The following SYT1 variants were observed in gnomAD, a reference collection of about 807,000 sequenced individuals.
SYT1 encodes synaptotagmin-1.
SYT1 carries 8 observed loss-of-function variants against 44.8 expected under a neutral mutation model. The observed-to-expected ratio is 0.18, with a 90% CI of 0.10 to 0.32. SYT1 has a LOEUF of 0.32. Ranked by LOEUF, SYT1 falls within the 10% of genes least tolerant of loss-of-function variation. The pLI, the probability that SYT1 is intolerant of heterozygous loss-of-function variation, is 1.00. For missense variants in SYT1, 286 were observed against 509.3 expected (o/e 0.56, Z 4.22); for synonymous variants, 154 against 188.8 (o/e 0.82, Z 1.51).
At chr12:78,889,171 A>G (rs902107141) in intron 1 of SYT1, among the ~76,000 whole-genome samples, 7 of 151,898 alleles carry the variant, frequency 4.6e-5, no homozygotes, top group Admixed American at 3.3e-4. Flanking sequence ...TTTGTTAAGA[A>G]CTAGTTCAGG....
At chr12:78,972,675 C>A (rs1868466180) in intron 1 of SYT1, among the ~76,000 whole-genome samples, 2 of 151,822 alleles carry the variant, frequency 1.3e-5, no homozygotes, top group South Asian at 2.1e-4. Context: ...TTAAGAAACA[C>A]TTCACTGTGA....
At chr12:79,049,054 T>C (rs1874277243) in intron 3 of SYT1, among the ~76,000 whole-genome samples, 1 of 151,930 alleles carries the variant, frequency 6.6e-6, no homozygotes, top group Admixed American at 6.6e-5. Flanking sequence ...ATAAGCTCTT[T>C]ATGCAAGAAC....
chr12:79,420,559 C>T (rs1321546055), intron 9 of SYT1, among the ~76,000 whole-genome samples: 1 of 152,106 alleles, frequency 6.6e-6, no homozygotes, highest in Non-Finnish European at 1.5e-5. Context: ...TTTCATTCCA[C>T]ATTCCTGGCA....
At chr12:79,139,623 A>G (rs539676536) in intron 3 of SYT1, among the ~76,000 whole-genome samples, 1 of 152,330 alleles carries the variant, frequency 6.6e-6, no homozygotes, top group African/African-American at 2.4e-5. Flanking sequence ...AATAAAAATG[A>G]TGACATCCTC....
intron 1 of SYT1, among the ~76,000 whole-genome samples, chr12:78,975,583 A>ATTGAATCTGTGTTG (rs1868764080): frequency 6.6e-6 from 1 of 152,182 alleles, no homozygotes; most frequent in Non-Finnish European, 1.5e-5. Context: ...AATCTGTGTT[A>ATTGAATCTGTGTTG]TTTAATCTGT....
At chr12:79,221,105 T>C (rs1248125476) in intron 4 of SYT1, among the ~76,000 whole-genome samples, 2 of 152,196 alleles carry the variant, frequency 1.3e-5, no homozygotes, top group African/African-American at 4.8e-5. Flanking sequence ...GGTGCTCCAA[T>C]GTTAGGTGCA....
chr12:79,006,414 AG>A (rs770690202), intron 2 of SYT1, among the ~76,000 whole-genome samples: 2 of 152,090 alleles, frequency 1.3e-5, no homozygotes, highest in African/African-American at 4.8e-5. Context: ...ATGCTCTATG[AG>A]GGGAAAAAGC....
chr12:79,157,231 T>G (rs1383331977), intron 3 of SYT1, among the ~76,000 whole-genome samples: 1 of 152,182 alleles, frequency 6.6e-6, no homozygotes, highest in African/African-American at 2.4e-5. Flanking sequence ...GCAAGGGAAC[T>G]TTTTAGCAGT....
At chr12:78,908,737 A>G (rs1038138990) in intron 1 of SYT1, among the ~76,000 whole-genome samples, 1 of 151,986 alleles carries the variant, frequency 6.6e-6, no homozygotes, top group South Asian at 2.1e-4. Context: ...GGAAATGAAT[A>G]AAAAGAATTC....
At chr12:79,415,609 C>T (rs934469756) in intron 9 of SYT1, among the ~76,000 whole-genome samples, 2 of 152,100 alleles carry the variant, frequency 1.3e-5, no homozygotes, top group Non-Finnish European at 2.9e-5. Context: ...TGATCATTCC[C>T]CAACAGTAGA....
intron 2 of SYT1, among the ~76,000 whole-genome samples, chr12:79,013,146 G>C (rs754611955): frequency 6.6e-6 from 1 of 152,034 alleles, no homozygotes; most frequent in Non-Finnish European, 1.5e-5. Context: ...CTTGTAGAGT[G>C]CACTTCTCTG....
intron 8 of SYT1, among the ~76,000 whole-genome samples, chr12:79,312,538 G>A (rs111729656): frequency 0.011 from 1,615 of 152,162 alleles, 31 homozygotes; most frequent in African/African-American, 0.037. Context: ...AAATGAACAT[G>A]TTATTTGTAA....
chr12:79,260,850 G>A (rs375161295), intron 4 of SYT1, among the ~76,000 whole-genome samples: 1 of 151,736 alleles, frequency 6.6e-6, no homozygotes, highest in African/African-American at 2.4e-5. Context: ...TCTGTTAAAA[G>A]GGGAAAGGAG....
At chr12:79,251,236 T>C (rs1194576817) in intron 4 of SYT1, among the ~76,000 whole-genome samples, 2 of 152,010 alleles carry the variant, frequency 1.3e-5, no homozygotes, top group Non-Finnish European at 2.9e-5. Context: ...AAGGGAAGAA[T>C]CACTAATACT....
intron 3 of SYT1, among the ~76,000 whole-genome samples, chr12:79,183,395 G>A (rs1872646121): frequency 2.6e-5 from 4 of 151,958 alleles, no homozygotes. Context: ...CTGCCCCCAG[G>A]GGACATGGGC....
intron 3 of SYT1, among the ~76,000 whole-genome samples, chr12:79,116,321 T>G (rs1879273539): frequency 6.6e-6 from 1 of 152,164 alleles, no homozygotes; most frequent in African/African-American, 2.4e-5. Context: ...CATTTAGGAT[T>G]GGTATTAGTG....
intron 4 of SYT1, among the ~76,000 whole-genome samples, chr12:79,245,209 T>G (rs1310665239): frequency 6.7e-6 from 1 of 150,212 alleles, no homozygotes; most frequent in Admixed American, 6.7e-5. Flanking sequence ...CTCACGCCTG[T>G]AATCCCAGCA....
At chr12:79,223,704 A>G (rs928282687) in intron 4 of SYT1, among the ~76,000 whole-genome samples, 1 of 152,152 alleles carries the variant, frequency 6.6e-6, no homozygotes, top group African/African-American at 2.4e-5. Flanking sequence ...CAGTGGCGAT[A>G]CATACCAGAG....
intron 4 of SYT1, among the ~76,000 whole-genome samples, chr12:79,228,471 A>C (rs1355923167): frequency 6.6e-6 from 1 of 152,052 alleles, no homozygotes; most frequent in East Asian, 1.9e-4. Flanking sequence ...ATTGGCCTTC[A>C]TCTACTGAAA....
Sources: allele counts gnomAD v4.1 joint callset (sites outside exome capture counted in the v4.1 genomes callset), GRCh38; gene constraint gnomAD v4.1.1; transcripts MANE v1.5; gene names NCBI Gene and HGNC (gene_info 2026-07-23, HGNC 2026-07-21).